Variants in IL7 observed in about 807,000 individuals in gnomAD.
IL7 encodes the protein interleukin-7.
A neutral mutation model predicts 21.6 loss-of-function variants in IL7; 3 were observed. The observed-to-expected ratio is 0.14, with a 90% confidence interval of 0.06 to 0.36. The LOEUF (loss-of-function observed/expected upper bound fraction) is 0.36, where lower values mean the gene tolerates loss of function less well. Among genes scored for constraint, IL7 ranks in the 10% least tolerant of loss-of-function variants. IL7 has a pLI of 1.00. For missense variants in IL7, 175 were observed against 200.2 expected, an observed-to-expected ratio of 0.87 and a Z score of 0.76; for synonymous variants, 62 against 68.1, an observed-to-expected ratio of 0.91 and a Z score of 0.44.
chr8:78,742,888 A>G (rs1811842139), intron 2 of IL7, among the ~76,000 whole-genome samples: 1 of 151,918 alleles, frequency 6.6e-6, no homozygotes, highest in Non-Finnish European at 1.5e-5. Flanking sequence ...CCTACCCTCC[A>G]TCCTCCAAAA....
At chr8:78,758,926 T>G (rs1348803066) in intron 2 of IL7, among the ~76,000 whole-genome samples, 1 of 152,190 alleles carries the variant, frequency 6.6e-6, no homozygotes, top group Non-Finnish European at 1.5e-5. Context: ...TCAGATATTA[T>G]TTCAATAAAT....
intron 3 of IL7, among the ~76,000 whole-genome samples, chr8:78,700,607 T>C (rs1810568599): frequency 6.6e-6 from 1 of 152,200 alleles, no homozygotes; most frequent in African/African-American, 2.4e-5. Context: ...TGGTATTGGC[T>C]AGGTTGTCTT....
chr8:78,675,618 CTAAG>C, downstream of IL7: 1 of 571,668 alleles, frequency 1.7e-6, no homozygotes, highest in Non-Finnish European at 3.0e-6. Context: ...CCACTGATAA[CTAAG>C]TATTATGCTC....
chr8:78,801,524 T>C (rs1586120760), intron 1 of IL7, among the ~76,000 whole-genome samples: 1 of 122,620 alleles, frequency 8.2e-6, no homozygotes, highest in Non-Finnish European at 1.8e-5. Flanking sequence ...CCGTGAGCCA[T>C]GGCCGTAAGC....
intron 2 of IL7, among the ~76,000 whole-genome samples, chr8:78,769,354 A>G (rs1166922838): frequency 6.6e-6 from 1 of 152,284 alleles, no homozygotes; most frequent in Admixed American, 6.5e-5. Context: ...TACAAAATCA[A>G]TGTACAAAAA....
chr8:78,767,069 C>A (rs1812777478), intron 2 of IL7, among the ~76,000 whole-genome samples: 1 of 152,022 alleles, frequency 6.6e-6, no homozygotes, highest in Admixed American at 6.6e-5. Context: ...CAATTTGCAT[C>A]TTCTTTTCTA....
chr8:78,727,500 T>C (rs1811358788), intron 3 of IL7, among the ~76,000 whole-genome samples: 1 of 152,044 alleles, frequency 6.6e-6, no homozygotes, highest in Non-Finnish European at 1.5e-5. Context: ...CAATAACAAG[T>C]ATTTGTTTAC....
At chr8:78,690,625 G>C (rs1186598269) in intron 3 of IL7, among the ~76,000 whole-genome samples, 1 of 150,734 alleles carries the variant, frequency 6.6e-6, no homozygotes, top group Non-Finnish European at 1.5e-5. Context: ...TAATTGACTT[G>C]TCAACATCTA....
chr8:78,722,996 A>T (rs2130635815), intron 3 of IL7, among the ~76,000 whole-genome samples: 1 of 151,274 alleles, frequency 6.6e-6, no homozygotes, highest in South Asian at 2.1e-4. Flanking sequence ...AACTGTAAAA[A>T]TAATAACCAT....
intron 2 of IL7, among the ~76,000 whole-genome samples, chr8:78,753,929 A>G (rs1812261474): frequency 6.6e-6 from 1 of 152,056 alleles, no homozygotes; most frequent in Admixed American, 6.6e-5. Context: ...ATTGGTCTAT[A>G]TATTTGTTTT....
At chr8:78,696,916 T>G (rs937329370) in intron 3 of IL7, among the ~76,000 whole-genome samples, 1 of 152,200 alleles carries the variant, frequency 6.6e-6, no homozygotes, top group African/African-American at 2.4e-5. Flanking sequence ...CTACTAATGT[T>G]TGTTTGGTGT....
intron 3 of IL7, among the ~76,000 whole-genome samples, chr8:78,712,846 CTTAG>C (rs1251798586): frequency 8.5e-5 from 13 of 152,120 alleles, no homozygotes; most frequent in Non-Finnish European, 1.5e-4. Flanking sequence ...AGCAGAGTAA[CTTAG>C]TTAACTTTTA....
chr8:78,689,049 A>C (rs1420165952), intron 3 of IL7, among the ~76,000 whole-genome samples: 1 of 149,442 alleles, frequency 6.7e-6, no homozygotes, highest in Non-Finnish European at 1.5e-5. Context: ...TTTTTTTTTA[A>C]CTCTTTACTA....
rs148975225 is a variant in IL7, at chr8:78,704,828, G to A, written n.214+16520C>T. Among the ~76,000 whole-genome samples the A allele has an allele frequency of 4.1e-3, 616 of 151,944 alleles. 3 individuals are homozygous for A. Among genetic ancestry groups the A allele is most frequent in the African/African-American group, 0.014 (565 of 41,408 alleles). ...CCTTTTTTTCTCTATTCTTGTCAGC[G>A]TGTCTTATTTCAGAAAGCCAGTCTT... On this transcript the variant is annotated intron_variant and non_coding_transcript_variant, in intron 3 of 4. Coordinates refer to the IL7 transcript ENST00000523959.
chr8:78,770,071 C>T (rs1812900138), intron 2 of IL7, among the ~76,000 whole-genome samples: 1 of 152,108 alleles, frequency 6.6e-6, no homozygotes, highest in Admixed American at 6.5e-5. Flanking sequence ...AGGCCTAAAA[C>T]CATAAAAACC....
intron 2 of IL7, among the ~76,000 whole-genome samples, chr8:78,773,371 A>G (rs1813023898): frequency 6.6e-6 from 1 of 152,124 alleles, no homozygotes; most frequent in African/African-American, 2.4e-5. Context: ...TTTCTCATCA[A>G]TGTCATAACG....
Position 78,793,865 on chromosome 8 carries a change from T to C in IL7, c.147+4207A>G, listed in dbSNP as rs895113628. ...TTGTGTAATATCCTAAATTTTTTCT[T>C]GTCATTTCAGCAATGTTCACAGCAT... On this transcript the variant is annotated intron_variant, in intron 2 of 5. Transcript: ENST00000263851. Among the ~76,000 whole-genome samples, 34 of 152,298 alleles carry C rather than the reference T, an allele frequency of 2.2e-4. No individual in the cohort carries two copies. The South Asian group carries it at 3.7e-3, about 17-fold the overall frequency.
In IL7 at chr8:78,737,099, T is replaced by G. The variant is rs192770617; in HGVS notation, c.361-572A>C. ...AAAGATTTAAATTATTTGCATATTT[T>G]CTTTCTCTACAGTTAATTTTGGAAC... On this transcript the variant is annotated intron_variant, in intron 4 of 5. Transcript: ENST00000263851. Among the ~76,000 whole-genome samples the G allele has an allele frequency of 5.3e-5, 8 of 152,284 alleles. No homozygotes were observed. In the East Asian group the frequency reaches 1.3e-3, roughly 26 times the overall value.
At chr8:78,691,938 G>A (rs1810226706) in intron 3 of IL7, among the ~76,000 whole-genome samples, 1 of 151,924 alleles carries the variant, frequency 6.6e-6, no homozygotes, top group African/African-American at 2.4e-5. Context: ...ATATATTTAT[G>A]GGGTACAAAG....
Sources: gnomAD v4.1 joint callset for allele counts (sites outside exome capture counted in the v4.1 genomes callset) on GRCh38, gnomAD v4.1.1 for gene constraint, MANE v1.5 for transcripts, NCBI Gene and HGNC (gene_info 2026-07-23, HGNC 2026-07-21) for gene names.